EME1: variants seen among roughly 807,000 people sequenced by gnomAD.
EME1 encodes the protein structure-specific endonuclease subunit EME1.
A neutral mutation model predicts 59.1 loss-of-function variants in EME1; 61 were observed. The ratio of observed to expected loss-of-function variants is 1.03; its 90% confidence interval spans 0.84 to 1.28. The LOEUF (loss-of-function observed/expected upper bound fraction) is 1.28. Among genes scored for constraint, EME1 ranks in the 50% most tolerant of loss-of-function variants. EME1 has a pLI of 0.00. For synonymous variants in EME1, 230 were observed against 254.2 expected (o/e 0.90, Z 0.90); for missense variants, 635 against 682.6 (o/e 0.93, Z 0.78).
intron 7 of EME1, 90 bp downstream of exon 7, chr17:50,379,657 C>A: frequency 1.8e-6 from 2 of 1,112,962 alleles, no homozygotes; most frequent in Non-Finnish European, 2.6e-6. Context: ...TTCCCCTCAT[C>A]TCTGCAGTCA....
chr17:50,379,993 A>G (rs1369531739), intron 7 of EME1: 4 of 318,664 alleles, frequency 1.3e-5, no homozygotes, highest in Non-Finnish European at 2.3e-5. Flanking sequence ...GAGGGGACTG[A>G]GGCCTGAAGA....
At chr17:50,378,941 G>A in intron 5 of EME1, 46 bp downstream of exon 5, 1 of 1,613,834 alleles carries the variant, frequency 6.2e-7, no homozygotes, top group Non-Finnish European at 8.5e-7. Flanking sequence ...GGCAGCTCTT[G>A]GGCCAAGGGG....
Position 50,375,283 on chromosome 17 carries a change from T to C in EME1, c.75T>C (p.Phe25=), listed in dbSNP as rs746411096. ...SDSEELPTFA[F]LKKEPSSTKR... ...CTGAGGAGTTGCCAACATTTGCCTT[T>C]CTGAAGAAGGAACCATCTTCAACAA... is the stretch of plus-strand genomic sequence containing the variant. The change falls in exon 2 of 9, where the codon TTT becomes TTC. Residue 25 remains phenylalanine, a synonymous_variant. Transcript: ENST00000338165. 1.4e-5 allele frequency: 22 copies of C among 1,614,088 alleles called. No homozygotes were observed. Among genetic ancestry groups the C allele is most frequent in the Non-Finnish European group, 1.9e-5 (22 of 1,180,052 alleles).
chr17:50,374,879 T>TC (rs1913372738), intron 1 of EME1, among the ~76,000 whole-genome samples: 1 of 152,070 alleles, frequency 6.6e-6, no homozygotes, highest in Non-Finnish European at 1.5e-5. Context: ...CATCTCCATT[T>TC]CAAACGTGAA....
rs576754633 is a variant in EME1, at chr17:50,379,974, T to C, written c.1347-338T>C. On this transcript the variant is annotated intron_variant, in intron 7 of 8. Transcript: ENST00000338165. ...AGACAATCCAGTCCAAGTCCCTTAT[T>C]TTATACTTGAGGGGACTGAGGCCTG... The C allele has an allele frequency of 1.3e-5, 4 of 303,930 alleles. No homozygotes were observed. In the South Asian group the frequency reaches 1.9e-4, roughly 14 times the overall value. The allele number at this position is 303,930 out of a possible 1,614,324, so 18.8% of individuals were successfully genotyped here. A position where few individuals can be genotyped will look rare whatever the true frequency, so the allele number is the denominator to read the frequency against.
Position 50,380,922 on chromosome 17 carries a change from T to C in EME1, c.1696T>C (p.Leu566=). The change falls in exon 9 of 9, where the codon TTA becomes CTA. Residue 566 remains leucine (L), a synonymous_variant. Coordinates refer to ENST00000338165, the MANE Select transcript of EME1 (RefSeq NM_152463.4). Reference sequence around the variant, plus strand: ...GACCACTTTACAGCCACATCTCTCTTTAGATAGTGCTGACTGATTCTAGCC... The same window carrying C: ...GACCACTTTACAGCCACATCTCTCTCTAGATAGTGCTGACTGATTCTAGCC... ...QMTTLQPHLS[L]DSAD 1.9e-6 allele frequency: 3 copies of C among 1,614,150 alleles called. No homozygotes were observed. The highest frequency in any genetic ancestry group is 3.3e-4 in the Middle Eastern group (2 of 6,062).
In EME1 at chr17:50,375,742, C is replaced by T. The variant is rs1318353240; in HGVS notation, c.534C>T (p.Gly178=). Residue 178 remains glycine, a synonymous_variant, in exon 2 of 9, where the codon GGC becomes GGT. Coordinates refer to ENST00000338165, the MANE Select transcript of EME1 (RefSeq NM_152463.4). Reference sequence around the variant, plus strand: ...CAGCCTACCTGTCTACCTGCCCTGGCCAGAGCAGCAGCTTGGCAGTAACCA... The same window carrying T: ...CAGCCTACCTGTCTACCTGCCCTGGTCAGAGCAGCAGCTTGGCAGTAACCA... ...QLPAYLSTCP[G]QSSSLAVTKT... is the part of the protein sequence containing the mutation. The T allele has an allele frequency of 1.2e-6, 2 of 1,614,132 alleles. No homozygotes were observed. Among genetic ancestry groups the T allele is most frequent in the Non-Finnish European group, 1.7e-6 (2 of 1,180,028 alleles).
At chr17:50,379,301 T>C in intron 6 of EME1, 77 bp downstream of exon 6, 1 of 1,601,046 alleles carries the variant, frequency 6.2e-7, no homozygotes. Flanking sequence ...GAGAATAAAA[T>C]GCCTGCTGCG....
In EME1 at chr17:50,379,524, T is replaced by C. The variant is rs142635770; in HGVS notation, c.1303T>C (p.Phe435Leu). The change falls in exon 7 of 9, where the codon TTC becomes CTC. Residue 435 changes from phenylalanine to leucine, a missense_variant. Transcript: ENST00000338165. ...GCAGAGCTGGAAAGAGCTGGCCGACTTCACATGCGCATTCACAAAGGCTGT... is the reference window on the plus strand; with the variant it reads ...GCAGAGCTGGAAAGAGCTGGCCGACCTCACATGCGCATTCACAAAGGCTGT... ...IVQSWKELAD[F>L]TCAFTKAVAE... is the part of the protein sequence containing the mutation. The C allele has an allele frequency of 1.5e-4, 243 of 1,614,092 alleles. 1 individual carries two copies. The highest frequency in any genetic ancestry group is 1.9e-4 in the Non-Finnish European group (224 of 1,180,050).
chr17:50,376,006 T>C (rs1191646224), intron 2 of EME1, 23 bp downstream of exon 2: 1 of 1,606,462 alleles, frequency 6.2e-7, no homozygotes. Flanking sequence ...GTCTTTGTCC[T>C]GTGCTGAGTT....
chr17:50,380,952 G>C lies in EME1; in HGVS notation c.*13G>C. 2.5e-6 allele frequency: 4 copies of C among 1,612,210 alleles called. No homozygotes were observed. The highest frequency in any genetic ancestry group is 3.4e-6 in the Non-Finnish European group (4 of 1,178,428). On this transcript the variant is annotated 3_prime_UTR_variant, in exon 9 of 9. Transcript: ENST00000338165. ...TAGTGCTGACTGATTCTAGCCCTCA[G>C]GGATGAGGATGAAAAGCTGGAAACT... is the stretch of plus-strand genomic sequence containing the variant.
rs1299448157 is a variant in EME1 at position 50,378,801 on chromosome 17, A to ACT, written c.1018_1019insCT (p.Lys340ThrfsTer9). The ACT allele has an allele frequency of 6.2e-7, 1 of 1,614,202 alleles. No individual in the cohort carries two copies. The highest frequency in any genetic ancestry group is 1.7e-5 in the Admixed American group (1 of 60,026). Reference sequence around the variant, plus strand: ...AAGCCTGGACAGCACTATGAAAGGGAAGGAAACGCTTCAGGGCTTTGTAAC... The same window carrying ACT: ...AAGCCTGGACAGCACTATGAAAGGGACTAGGAAACGCTTCAGGGCTTTGTAAC... On this transcript the variant is annotated frameshift_variant, in exon 5 of 9. Coordinates refer to ENST00000338165, the MANE Select transcript of EME1 (RefSeq NM_152463.4). LOFTEE classifies it high-confidence loss of function.
chr17:50,379,769 G>A, intron 7 of EME1: 3 of 560,118 alleles, frequency 5.4e-6, no homozygotes, highest in Non-Finnish European at 9.6e-6. Flanking sequence ...TTCTCCTTTC[G>A]CCTATATGTA....
intron 7 of EME1, 56 bp from the exon 8 acceptor site, chr17:50,380,256 G>C: frequency 6.6e-7 from 1 of 1,520,476 alleles, no homozygotes. Flanking sequence ...CACTTGAGGG[G>C]AACAGGTGTA....
In EME1 at chr17:50,379,455, T is replaced by C. The variant is rs1212342585; in HGVS notation, c.1234T>C (p.Leu412=). The change falls in exon 7 of 9, where the codon TTG becomes CTG. Residue 412 remains leucine (L), a synonymous_variant. Transcript: ENST00000338165. ...ATCGTTGCTTTTGGGTTTCTAGGCA[T>C]TGGTGGATCTGCAGCTACACACAGA... ...MVSRVDAEEA[L]VDLQLHTEAQ... The C allele has an allele frequency of 3.7e-6, 6 of 1,614,034 alleles. No homozygotes were observed. The highest frequency in any genetic ancestry group is 1.1e-5 in the South Asian group (1 of 91,024).
Position 50,376,090 on chromosome 17 carries a change from G to A in EME1, c.800G>A (p.Gly267Asp). 2 of 1,613,806 alleles carry A rather than the reference G, an allele frequency of 1.2e-6. No homozygotes were observed. The highest frequency in any genetic ancestry group is 1.6e-4 in the Middle Eastern group (1 of 6,062). ...GTGCTCTTACAGATGGAAGGTGGGG[G>A]CCAGCTCCTAGGAGCACTGCAGACC... ...DPVLLQMEGG[G>D]QLLGALQTME... Residue 267 changes from glycine (G) to aspartate (D), a missense_variant, in exon 3 of 9, where the codon GGC becomes GAC. By Grantham distance (94) the Gly-to-Asp change is moderately conservative. Coordinates refer to ENST00000338165, the MANE Select transcript of EME1 (RefSeq NM_152463.4).
chr17:50,379,278 C>T (rs1913654389), intron 6 of EME1, 54 bp downstream of exon 6: 18 of 1,610,212 alleles, frequency 1.1e-5, no homozygotes, highest in Non-Finnish European at 1.5e-5. Context: ...TCACCTGAGA[C>T]TTGCTATTGA....
Position 50,375,197 on chromosome 17 carries a change from T to C in EME1, c.-12T>C. On this transcript the variant is annotated 5_prime_UTR_variant, in exon 2 of 9. Coordinates refer to ENST00000338165, the MANE Select transcript of EME1 (RefSeq NM_152463.4). ...CTTTTCCTTTTAGGGAATTATTTGA[T>C]AGCACATACTGATGGCTCTAAAGAA... The C allele has an allele frequency of 1.2e-6, 2 of 1,609,610 alleles. No homozygotes were observed. Among genetic ancestry groups the C allele is most frequent in the East Asian group, 2.2e-5 (1 of 44,858 alleles).
chr17:50,380,111 G>A (rs1212542399), intron 7 of EME1: 1 of 554,508 alleles, frequency 1.8e-6, no homozygotes, highest in Non-Finnish European at 3.2e-6. Context: ...TGGACTAGAT[G>A]TAGTTTTTAA....
Sources: allele counts gnomAD v4.1 joint callset (sites outside exome capture counted in the v4.1 genomes callset), GRCh38; gene constraint gnomAD v4.1.1; transcripts MANE v1.5; gene names NCBI Gene and HGNC (gene_info 2026-07-23, HGNC 2026-07-21).